SLC15A1: variants seen among roughly 807,000 people sequenced by gnomAD.
SLC15A1 encodes the protein Caco-2 oligopeptide transporter.
SLC15A1 carries 83 observed loss-of-function variants against 92.9 expected under a neutral mutation model. The observed-to-expected ratio is 0.89, with a 90% confidence interval of 0.75 to 1.07. The LOEUF is 1.07. Among genes scored for constraint, SLC15A1 ranks in the 50% least tolerant of loss-of-function variants. SLC15A1 has a pLI of 0.00. For missense variants in SLC15A1, 857 were observed against 880.1 expected (o/e 0.97, Z 0.33); for synonymous variants, 322 against 318.2 (o/e 1.01, Z -0.13).
Position 98,712,501 on chromosome 13 carries a change from G to A in SLC15A1, c.807C>T (p.Tyr269=), listed in dbSNP as rs2088172240. 2 of 1,606,556 alleles carry A rather than the reference G, an allele frequency of 1.2e-6. No homozygotes were observed. Among genetic ancestry groups the A allele is most frequent in the South Asian group, 1.1e-5 (1 of 90,454 alleles). Residue 269 remains tyrosine, a synonymous_variant, in exon 10 of 23, where the codon TAC becomes TAT. Coordinates refer to ENST00000376503, the MANE Select transcript of SLC15A1 (RefSeq NM_005073.4). The part of the protein sequence containing the change: ...EHWLDWAKEK[Y]DERLISQIKM... ...TGTAGCAATGACCGTTACTTACATC[G>A]TATTTCTCTTTAGCCCAGTCCAGCC...
In SLC15A1 at chr13:98,726,194, C is replaced by G; in HGVS notation, c.174G>C (p.Thr58=). ...GCGTCAGGTAGCACAGAGCCACAAA[C>G]GTATGGTAGATGGCGGTGGACAGGT... is the stretch of plus-strand genomic sequence containing the variant. ...DDNLSTAIYH[T]FVALCYLTPI... Residue 58 remains threonine (T), a synonymous_variant, in exon 4 of 23, where the codon ACG becomes ACC. Transcript: ENST00000376503. The G allele has an allele frequency of 6.2e-7, 1 of 1,614,020 alleles. No individual in the cohort carries two copies. The highest frequency in any genetic ancestry group is 1.1e-5 in the South Asian group (1 of 91,052).
chr13:98,745,999 T>C (rs2088490023), intron 1 of SLC15A1, among the ~76,000 whole-genome samples: 1 of 152,132 alleles, frequency 6.6e-6, no homozygotes, highest in African/African-American at 2.4e-5. Context: ...TACCTAATAG[T>C]TGGTTTTTTC....
At position 98,684,654 on chromosome 13, in the gene SLC15A1, G is replaced by C; in HGVS notation, c.*70C>G. 7.8e-7 allele frequency: 1 copy of C among 1,279,848 alleles called. No homozygotes were observed. The highest frequency in any genetic ancestry group is 1.1e-6 in the Non-Finnish European group (1 of 889,984). 79.3% of individuals were successfully genotyped at this position (1,279,848 alleles called of 1,614,324 possible). ...CTCATCAGGGGCCATCCAATGGAGT[G>C]TCCTGCTACCTGGGGGCAGAGGTCA... On this transcript the variant is annotated 3_prime_UTR_variant, in exon 23 of 23. Transcript: ENST00000376503.
At chr13:98,721,957 CCT>C in intron 5 of SLC15A1, 54 bp from the exon 6 acceptor site, 2 of 1,463,782 alleles carry the variant, frequency 1.4e-6, no homozygotes, top group East Asian at 2.3e-5. Context: ...AAGTAGAAGG[CCT>C]CTCTTTTCCC....
chr13:98,741,015 T>TG (rs1269650787), intron 1 of SLC15A1, among the ~76,000 whole-genome samples: 1 of 152,234 alleles, frequency 6.6e-6, no homozygotes, highest in African/African-American at 2.4e-5. Context: ...ATGCTTTTTT[T>TG]TCTTCTTGGA....
chr13:98,726,066 C>CA (rs2088295844), intron 4 of SLC15A1, 57 bp downstream of exon 4: 2 of 1,596,704 alleles, frequency 1.3e-6, no homozygotes, highest in African/African-American at 2.7e-5. Context: ...TTCCCAACTA[C>CA]AAAACCTACA....
At position 98,715,832 on chromosome 13, in the gene SLC15A1, C is replaced by T. The variant is rs567476432; in HGVS notation, c.723+46G>A. The T allele has an allele frequency of 2.8e-5, 41 of 1,464,882 alleles. No individual in the cohort carries two copies. The East Asian group carries it at 7.2e-4, about 26-fold the overall frequency. 90.7% of individuals were successfully genotyped at this position (1,464,882 alleles called of 1,614,324 possible). A position where few individuals can be genotyped will look rare whatever the true frequency, so the allele number is the denominator to read the frequency against. ...TTTAATTTAAAGAAAGTAGAAGGTT[C>T]TGAGGTGGTTAAATAGCCTTGAGAA... On this transcript the variant is annotated intron_variant, in intron 9 of 22. Transcript: ENST00000376503.
chr13:98,708,704 G>C lies in SLC15A1; in HGVS notation c.1131C>G (p.Ile377Met). 8.1e-6 allele frequency: 13 copies of C among 1,613,394 alleles called. No individual in the cohort carries two copies. Among genetic ancestry groups the C allele is most frequent in the Non-Finnish European group, 1.1e-5 (13 of 1,179,766 alleles). Residue 377 changes from isoleucine (I) to methionine (M), a missense_variant, in exon 15 of 23, where the codon ATC becomes ATG. Ile to Met is a conservative substitution (Grantham distance 10). Coordinates refer to ENST00000376503, the MANE Select transcript of SLC15A1 (RefSeq NM_005073.4). ...AACTCACATCGATTTCCACCTGCACGATGGCAGCCACCACAAAGGCCATGG... is the reference window on the plus strand; with the variant it reads ...AACTCACATCGATTTCCACCTGCACCATGGCAGCCACCACAAAGGCCATGG... ...LASMAFVVAAIVQVEIDKTLP... is the reference protein window; with the variant it reads ...LASMAFVVAAMVQVEIDKTLP...
intron 18 of SLC15A1, among the ~76,000 whole-genome samples, chr13:98,690,248 G>T (rs1415866462): frequency 6.6e-6 from 1 of 152,180 alleles, no homozygotes; most frequent in Non-Finnish European, 1.5e-5. Flanking sequence ...AAATAATACT[G>T]ATCAAATTTT....
intron 18 of SLC15A1, among the ~76,000 whole-genome samples, chr13:98,698,887 C>T (rs1203631985): frequency 2.0e-5 from 3 of 152,214 alleles, no homozygotes; most frequent in Admixed American, 2.0e-4. Context: ...AAAGTTGTAG[C>T]TACAGGGGAC....
rs1248565785 is a variant in SLC15A1 at position 98,711,943 on chromosome 13, C to T, written c.811G>A (p.Glu271Lys). 1.9e-6 allele frequency: 3 copies of T among 1,611,014 alleles called. No homozygotes were observed. Among genetic ancestry groups the T allele is most frequent in the East Asian group, 2.2e-5 (1 of 44,882 alleles). Residue 271 changes from glutamate to lysine, a missense_variant and splice_region_variant, in exon 11 of 23, where the codon GAG (glutamate) becomes AAG (lysine). Physicochemically the swap from Glu to Lys is moderately conservative, Grantham distance 56 (BLOSUM62 1). Coordinates refer to ENST00000376503, the MANE Select transcript of SLC15A1 (RefSeq NM_005073.4). Reference protein sequence around the residue: ...WLDWAKEKYDERLISQIKMVT... With the variant: ...WLDWAKEKYDKRLISQIKMVT... ...ATCTTAATTTGGGAGATGAGCCGCTCCTGTAGTTGGAGTGGGGAAGGGACA... is the reference window on the plus strand; with the variant it reads ...ATCTTAATTTGGGAGATGAGCCGCTTCTGTAGTTGGAGTGGGGAAGGGACA...
chr13:98,738,824 G>A (rs773773139), intron 1 of SLC15A1, among the ~76,000 whole-genome samples: 1 of 152,246 alleles, frequency 6.6e-6, no homozygotes, highest in Non-Finnish European at 1.5e-5. Flanking sequence ...GCCTAGTGGA[G>A]CTGTGAGAAG....
Position 98,686,218 on chromosome 13 carries a change from A to G in SLC15A1, c.1907T>C (p.Val636Ala), listed in dbSNP as rs1182739643. 1.2e-6 allele frequency: 2 copies of G among 1,613,870 alleles called. No homozygotes were observed. The highest frequency in any genetic ancestry group is 2.2e-5 in the South Asian group (2 of 90,972). ...TTTGCTGAACTGGCCTGCCCCTGCC[A>G]CGATGAGCACAATGATGTTGCCAAC... ...VAVGNIIVLI[V>A]AGAGQFSKQW... The change falls in exon 22 of 23, where the codon GTG becomes GCG. Residue 636 changes from valine to alanine, a missense_variant. By Grantham distance (64) the Val-to-Ala change is moderately conservative. Coordinates refer to ENST00000376503, the MANE Select transcript of SLC15A1 (RefSeq NM_005073.4).
In SLC15A1 at chr13:98,704,395, C is replaced by T. The variant is rs1164570828; in HGVS notation, c.1310G>A (p.Arg437Lys). The change falls in exon 17 of 23, where the codon AGG becomes AAG. Residue 437 changes from arginine to lysine, a missense_variant. Arg to Lys is a conservative substitution (Grantham distance 26). Transcript: ENST00000376503. Reference protein sequence around the residue: ...FMTFDVNKLTRINISSPGSPV... With the variant: ...FMTFDVNKLTKINISSPGSPV... The stretch of plus-strand genomic sequence containing the variant: ...TGATCCAGGAGAAGAAATGTTTATC[C>T]TTGTCAGTTTGTTTACATCAAAAGT... The T allele has an allele frequency of 6.2e-7, 1 of 1,613,850 alleles. No individual in the cohort carries two copies. The highest frequency in any genetic ancestry group is 1.7e-5 in the Admixed American group (1 of 59,964).
intron 16 of SLC15A1, 143 bp downstream of exon 16, chr13:98,705,991 T>C: frequency 1.3e-6 from 1 of 799,568 alleles, no homozygotes; most frequent in South Asian, 1.9e-5. Context: ...GTTTAGAATA[T>C]AGCCAACATG....
chr13:98,710,808 C>CAAAAAA (rs4646225), intron 11 of SLC15A1, among the ~76,000 whole-genome samples: 1 of 71,648 alleles, frequency 1.4e-5, no homozygotes. Flanking sequence ...ACTCTTGACT[C>CAAAAAA]AAAAAAAAAA....
chr13:98,711,620 T>C (rs1316333403), intron 11 of SLC15A1, among the ~76,000 whole-genome samples: 1 of 152,202 alleles, frequency 6.6e-6, no homozygotes, highest in African/African-American at 2.4e-5. Flanking sequence ...ATTGTCTTCA[T>C]TGTTAGCAAC....
At chr13:98,710,179 C>A (rs2088149906) in intron 11 of SLC15A1, among the ~76,000 whole-genome samples, 1 of 152,206 alleles carries the variant, frequency 6.6e-6, no homozygotes, top group Admixed American at 6.5e-5. Flanking sequence ...ATGAAGCTAT[C>A]CCTAGGAAAT....
At chr13:98,741,301 T>A (rs1014114684) in intron 1 of SLC15A1, among the ~76,000 whole-genome samples, 4 of 152,228 alleles carry the variant, frequency 2.6e-5, no homozygotes, top group African/African-American at 9.6e-5. Flanking sequence ...CATCCTCAAC[T>A]GCTCTTCATA....
Sources: allele counts gnomAD v4.1 joint callset (sites outside exome capture counted in the v4.1 genomes callset), GRCh38; gene constraint gnomAD v4.1.1; transcripts MANE v1.5; gene names NCBI Gene and HGNC (gene_info 2026-07-23, HGNC 2026-07-21).